The following VSTM2A variants were observed in gnomAD, a reference collection of about 807,000 sequenced individuals.
The protein encoded by VSTM2A is V-set and transmembrane domain containing 2A.
Under a neutral mutation model 27.3 loss-of-function variants are expected in VSTM2A, and 13 were observed. The observed-to-expected ratio is 0.48, with a 90% CI of 0.31 to 0.76. The LOEUF (loss-of-function observed/expected upper bound fraction) is 0.76. Among genes scored for constraint, VSTM2A ranks in the 30% least tolerant of loss-of-function variants. The pLI is 0.05. For synonymous variants in VSTM2A, 142 were observed against 125.7 expected, an observed-to-expected ratio of 1.13 and a Z score of -0.87; for missense variants, 280 against 310.0, an observed-to-expected ratio of 0.90 and a Z score of 0.73.
At position 54,549,818 on chromosome 7, in the gene VSTM2A, A is replaced by T; in HGVS notation, c.298-16A>T. 6.4e-7 allele frequency: 1 copy of T among 1,556,328 alleles called. No individual in the cohort carries two copies. Among genetic ancestry groups the T allele is most frequent in the Non-Finnish European group, 8.7e-7 (1 of 1,154,776 alleles). ...GATGTAGCACTTTATTGTTTTTTTT[A>T]CCTGCAATTTTTCAGACAGTGAAAG... On this transcript the variant is annotated splice_polypyrimidine_tract_variant and intron_variant, in intron 3 of 4. Transcript: ENST00000402613.
intron 4 of VSTM2A, 143 bp from the exon 5 acceptor site, chr7:54,568,988 A>G: frequency 2.5e-6 from 4 of 1,580,144 alleles, no homozygotes; most frequent in Non-Finnish European, 3.4e-6. Context: ...ATGAGCGAAT[A>G]TCTTATAACT....
intron 4 of VSTM2A, chr7:54,553,808 C>A (rs921055714): frequency 3.9e-6 from 6 of 1,545,210 alleles, no homozygotes; most frequent in South Asian, 2.4e-5. Flanking sequence ...CTCCACCATG[C>A]CCCCAAATAC....
At chr7:54,554,819 G>A (rs1788299425) in intron 4 of VSTM2A, among the ~76,000 whole-genome samples, 1 of 152,192 alleles carries the variant, frequency 6.6e-6, no homozygotes, top group Non-Finnish European at 1.5e-5. Flanking sequence ...TCTCATTGCA[G>A]CATGAGGGAG....
At chr7:54,547,099 C>T in intron 3 of VSTM2A, 102 bp downstream of exon 3, 4 of 1,369,380 alleles carry the variant, frequency 2.9e-6, no homozygotes, top group Non-Finnish European at 2.9e-6. Flanking sequence ...GACAGCCGGA[C>T]AGCCGGGTGC....
At position 54,542,598 on chromosome 7, in the gene VSTM2A, C is replaced by A. The variant is rs893091720; in HGVS notation, c.-133C>A. ...CCCTTCTCCCCACAGCCAGCCCTCG[C>A]CAAGCAAGCAGCAGGATGTTTGCAG... On this transcript the variant is annotated 5_prime_UTR_variant, in exon 1 of 5. Coordinates refer to ENST00000402613, the MANE Select transcript of VSTM2A (RefSeq NM_001301009.2). The A allele has an allele frequency of 2.6e-6, 2 of 759,664 alleles. No individual in the cohort carries two copies. The highest frequency in any genetic ancestry group is 4.5e-6 in the Non-Finnish European group (2 of 449,328). The allele number at this position is 759,664 out of a possible 1,614,324, so 47.1% of individuals were successfully genotyped here.
rs1788864072 is a variant in VSTM2A, at chr7:54,570,615, C to T, written c.*1396C>T. 1 of 152,138 alleles carries T rather than the reference C, an allele frequency of 6.6e-6. No homozygotes were observed. Among genetic ancestry groups the T allele is most frequent in the Non-Finnish European group, 1.5e-5 (1 of 68,000 alleles). 9.4% of individuals were successfully genotyped at this position (152,138 alleles called of 1,614,324 possible). On this transcript the variant is annotated 3_prime_UTR_variant, in exon 5 of 5. Transcript: ENST00000402613. ...TAAGTGAATTATAATTTTAAATATT[C>T]CATTCTTATTTATGTCTTTATGATA...
At chr7:54,558,412 C>G (rs893551557) in intron 4 of VSTM2A, 2 of 152,158 alleles carry the variant, frequency 1.3e-5, no homozygotes, top group African/African-American at 2.4e-5. Flanking sequence ...CACAAAATCT[C>G]TCTGAAGCTT....
At chr7:54,542,846 C>CGT (rs149647056) in intron 1 of VSTM2A, 37 bp downstream of exon 1, 3 of 1,566,066 alleles carry the variant, frequency 1.9e-6, no homozygotes, top group Admixed American at 1.7e-5. Context: ...CATTTGCTTG[C>CGT]GTGTGTGTGT....
chr7:54,547,838 G>A (rs144254769), intron 3 of VSTM2A, among the ~76,000 whole-genome samples: 18 of 152,200 alleles, frequency 1.2e-4, no homozygotes, highest in African/African-American at 4.3e-4. Flanking sequence ...TTACAATAGC[G>A]TAAAGTGGTA....
At chr7:54,548,726 A>G (rs1302865438) in intron 3 of VSTM2A, among the ~76,000 whole-genome samples, 1 of 152,178 alleles carries the variant, frequency 6.6e-6, no homozygotes, top group East Asian at 1.9e-4. Context: ...TTTTATATAC[A>G]CATAAACCCA....
Position 54,569,247 on chromosome 7 carries a change from G to A in VSTM2A, c.*28G>A, listed in dbSNP as rs890024523. 4.4e-5 allele frequency: 68 copies of A among 1,551,198 alleles called. No individual in the cohort carries two copies. The highest frequency in any genetic ancestry group is 5.1e-5 in the Non-Finnish European group (59 of 1,146,834). ...CACTACACAAGGAGCGCCTGCTTCC[G>A]GAAGCATAAATGAAGAGGCTATCAC... On this transcript the variant is annotated 3_prime_UTR_variant, in exon 5 of 5. Transcript: ENST00000402613.
chr7:54,544,356 G>C (rs1286337851), intron 1 of VSTM2A, among the ~76,000 whole-genome samples: 1 of 152,186 alleles, frequency 6.6e-6, no homozygotes, highest in East Asian at 1.9e-4. Context: ...TCTACCTGCG[G>C]GGATCTTGGC....
At chr7:54,545,927 AG>A (rs1374301543) in intron 2 of VSTM2A, among the ~76,000 whole-genome samples, 1 of 44,728 alleles carries the variant, frequency 2.2e-5, no homozygotes, top group African/African-American at 1.3e-4. Flanking sequence ...GAGAGGTAAG[AG>A]GGGGGAAGGG....
Position 54,570,779 on chromosome 7 carries a change from TC to T in VSTM2A, c.*1562del, listed in dbSNP as rs1448179989. On this transcript the variant is annotated 3_prime_UTR_variant, in exon 5 of 5. Transcript: ENST00000402613. ...TAAGTTTTCCTTCCAGAGAGACTCT[TC>T]CATTTTCTCTCATTACAAAACCAGA... is the stretch of plus-strand genomic sequence containing the variant. 6.6e-6 allele frequency: 1 copy of T among 152,130 alleles called. No homozygotes were observed. The highest frequency in any genetic ancestry group is 2.4e-5 in the African/African-American group (1 of 41,446). 9.4% of individuals were successfully genotyped at this position (152,130 alleles called of 1,614,324 possible).
intron 4 of VSTM2A, chr7:54,558,534 G>A (rs1292021628): frequency 6.6e-6 from 1 of 152,130 alleles, no homozygotes; most frequent in East Asian, 1.9e-4. Flanking sequence ...TAGCATGTGA[G>A]TGAGCTCAGC....
chr7:54,558,339 G>C (rs933549225), intron 4 of VSTM2A: 3 of 152,116 alleles, frequency 2.0e-5, no homozygotes, highest in Non-Finnish European at 4.4e-5. Context: ...TATGGTACCA[G>C]GTAGATACAG....
At chr7:54,569,095 C>G in intron 4 of VSTM2A, 36 bp from the exon 5 acceptor site, 1 of 1,599,778 alleles carries the variant, frequency 6.3e-7, no homozygotes, top group African/African-American at 1.3e-5. Flanking sequence ...ATCTAAAGTG[C>G]TGACTTTTTT....
chr7:54,548,481 A>G (rs955005599), intron 3 of VSTM2A, among the ~76,000 whole-genome samples: 4 of 151,844 alleles, frequency 2.6e-5, no homozygotes, highest in African/African-American at 9.7e-5. Context: ...TGCAGACTTA[A>G]TATTTCTGCA....
chr7:54,566,576 A>G (rs369065453), intron 4 of VSTM2A, among the ~76,000 whole-genome samples: 24 of 152,234 alleles, frequency 1.6e-4, no homozygotes, highest in African/African-American at 5.8e-4. Flanking sequence ...GTGTGACTGT[A>G]TTAAGGGGAA....
Sources: allele counts gnomAD v4.1 joint callset (sites outside exome capture counted in the v4.1 genomes callset), GRCh38; gene constraint gnomAD v4.1.1; transcripts MANE v1.5; gene names NCBI Gene and HGNC (gene_info 2026-07-23, HGNC 2026-07-21).